The following CTNNAL1 variants were observed in gnomAD, a reference collection of about 807,000 sequenced individuals.
The protein encoded by CTNNAL1 is alpha-catulin.
In CTNNAL1, 69 loss-of-function variants were observed where a neutral mutation model predicts 93.6. The ratio of observed to expected loss-of-function variants is 0.74; its 90% confidence interval spans 0.61 to 0.90. The LOEUF (loss-of-function observed/expected upper bound fraction) is 0.90, where lower values mean the gene tolerates loss of function less well. CTNNAL1 is among the 40% of genes least tolerant of loss of function. CTNNAL1 has a pLI of 0.00. For synonymous variants in CTNNAL1, 286 were observed against 305.4 expected (o/e 0.94, Z 0.66); for missense variants, 836 against 862.0 (o/e 0.97, Z 0.38).
chr9:108,952,529 A>G (rs750804937), intron 12 of CTNNAL1, 35 bp from the exon 13 acceptor site: 4 of 1,611,666 alleles, frequency 2.5e-6, no homozygotes, highest in Admixed American at 3.3e-5. Context: ...TATCTTAAAA[A>G]GCAGTACATT....
chr9:108,979,811 T>C (rs1414737697), intron 6 of CTNNAL1, among the ~76,000 whole-genome samples: 1 of 152,210 alleles, frequency 6.6e-6, no homozygotes, highest in Non-Finnish European at 1.5e-5. Context: ...AAGATTTGCA[T>C]CTGAGAAAAT....
chr9:108,962,658 A>C (rs1041605629), intron 11 of CTNNAL1, among the ~76,000 whole-genome samples: 3 of 152,190 alleles, frequency 2.0e-5, no homozygotes, highest in African/African-American at 7.2e-5. Context: ...GGATGCCAGA[A>C]AGTAGGAGAG....
At chr9:108,971,995 T>A (rs889181343) in intron 9 of CTNNAL1, among the ~76,000 whole-genome samples, 1 of 152,208 alleles carries the variant, frequency 6.6e-6, no homozygotes, top group Non-Finnish European at 1.5e-5. Flanking sequence ...TCTACACCTA[T>A]GTTTGGATTA....
chr9:108,965,702 A>G (rs1830934559), intron 10 of CTNNAL1, among the ~76,000 whole-genome samples, 174 bp from the exon 11 acceptor site: 1 of 152,222 alleles, frequency 6.6e-6, no homozygotes, highest in Non-Finnish European at 1.5e-5. Context: ...GTAGGACAAA[A>G]TTTGCTGTTT....
Position 109,003,856 on chromosome 9 carries a change from T to C in CTNNAL1, c.142-4600A>G, listed in dbSNP as rs767090959. Among the ~76,000 whole-genome samples, 52 of 152,280 alleles carry C rather than the reference T, an allele frequency of 3.4e-4. 1 individual carries two copies. Among genetic ancestry groups the C allele is most frequent in the Middle Eastern group, 3.4e-3 (1 of 294 alleles). On this transcript the variant is annotated intron_variant, in intron 1 of 18. Coordinates refer to ENST00000325551, the MANE Select transcript of CTNNAL1 (RefSeq NM_003798.4). ...GGAAGAGGTTACTTGCAGGTGAGAATAAGGTAAACAATTTGTGTGCAGAGG... is the reference window on the plus strand; with the variant it reads ...GGAAGAGGTTACTTGCAGGTGAGAACAAGGTAAACAATTTGTGTGCAGAGG...
chr9:108,950,506 G>C (rs1388955340), intron 14 of CTNNAL1: 2 of 1,547,942 alleles, frequency 1.3e-6, no homozygotes, highest in Admixed American at 4.0e-5. Flanking sequence ...TCTTTTTCCA[G>C]AGAATTATCT....
intron 8 of CTNNAL1, among the ~76,000 whole-genome samples, chr9:108,975,794 A>G (rs1831250901): frequency 6.6e-6 from 1 of 152,210 alleles, no homozygotes; most frequent in South Asian, 2.1e-4. Flanking sequence ...AGAAAACAGT[A>G]GACAGTAGGT....
At chr9:108,947,325 A>C in intron 15 of CTNNAL1, among the ~76,000 whole-genome samples, 1 of 152,116 alleles carries the variant, frequency 6.6e-6, no homozygotes, top group African/African-American at 2.4e-5. Context: ...GTGTTAGCCA[A>C]GATGGTCTCG....
intron 6 of CTNNAL1, among the ~76,000 whole-genome samples, 185 bp from the exon 7 acceptor site, chr9:108,979,666 C>T (rs986591836): frequency 6.6e-6 from 1 of 152,198 alleles, no homozygotes; most frequent in Non-Finnish European, 1.5e-5. Context: ...TGCTCAAAAG[C>T]CTTCAATATC....
chr9:108,991,859 G>T, intron 3 of CTNNAL1: 1 of 540,652 alleles, frequency 1.8e-6, no homozygotes, highest in Non-Finnish European at 3.3e-6. Flanking sequence ...AGCAAGAAGT[G>T]ATCGTACATA....
At chr9:109,009,251 C>T (rs1030272711) in intron 1 of CTNNAL1, among the ~76,000 whole-genome samples, 1 of 151,892 alleles carries the variant, frequency 6.6e-6, no homozygotes, top group Non-Finnish European at 1.5e-5. Flanking sequence ...AAGGTTTATA[C>T]TTGTGGTATA....
Position 108,993,136 on chromosome 9 carries a change from A to C in CTNNAL1, c.332-317T>G, listed in dbSNP as rs115993327. The stretch of plus-strand genomic sequence containing the variant: ...CCTGCCCTACAAGACAGTAAGAGAA[A>C]TCCCATGAGTCAAAAACCAAAGAAT... On this transcript the variant is annotated intron_variant, in intron 2 of 18. Coordinates refer to ENST00000325551, the MANE Select transcript of CTNNAL1 (RefSeq NM_003798.4). Among the ~76,000 whole-genome samples the C allele has an allele frequency of 2.2e-3, 340 of 152,302 alleles. 3 individuals are homozygous for C. The highest frequency in any genetic ancestry group is 7.9e-3 in the African/African-American group (329 of 41,554).
In CTNNAL1 at chr9:108,979,339, T is replaced by G. The variant is rs1438212856; in HGVS notation, c.1043A>C (p.Glu348Ala). 3 of 1,614,030 alleles carry G rather than the reference T, an allele frequency of 1.9e-6. No homozygotes were observed. Among genetic ancestry groups the G allele is most frequent in the Non-Finnish European group, 2.5e-6 (3 of 1,180,010 alleles). Residue 348 changes from glutamate to alanine, a missense_variant, in exon 7 of 19, where the codon GAA becomes GCA. Transcript: ENST00000325551. ...TSHEHRERIL[E>A]LSTQARMELQ... ...TTCCATTCTCGCCTGAGTTGACAGT[T>G]CCAAGATGCGTTCTCTGTGCTCATG...
intron 2 of CTNNAL1, among the ~76,000 whole-genome samples, chr9:108,994,122 C>T (rs1183602114): frequency 6.6e-6 from 1 of 152,110 alleles, no homozygotes; most frequent in East Asian, 1.9e-4. Flanking sequence ...ATCCCAGCTA[C>T]TCAGGAGGCT....
intron 4 of CTNNAL1, among the ~76,000 whole-genome samples, chr9:108,989,385 A>G (rs1167639614): frequency 2.0e-5 from 3 of 152,218 alleles, no homozygotes; most frequent in Non-Finnish European, 2.9e-5. Context: ...GAAGGAAAAG[A>G]AAGAAAATTT....
At chr9:108,994,330 AG>A (rs1197073201) in intron 2 of CTNNAL1, among the ~76,000 whole-genome samples, 3 of 152,236 alleles carry the variant, frequency 2.0e-5, no homozygotes, top group African/African-American at 7.2e-5. Context: ...GGTGTGAAAT[AG>A]TAGGGACCTT....
chr9:109,006,629 A>G (rs934165815), intron 1 of CTNNAL1, among the ~76,000 whole-genome samples: 12 of 152,250 alleles, frequency 7.9e-5, no homozygotes, highest in African/African-American at 2.9e-4. Context: ...ACCAGAGTCT[A>G]GAGAACACCT....
chr9:108,953,168 T>C (rs1830608203), intron 12 of CTNNAL1, among the ~76,000 whole-genome samples: 2 of 152,236 alleles, frequency 1.3e-5, no homozygotes, highest in African/African-American at 4.8e-5. Flanking sequence ...AGAGTGTATT[T>C]TCCCTAGAAG....
chr9:108,979,321 C>G lies in CTNNAL1; in HGVS notation c.1061G>C (p.Arg354Thr), dbSNP rs757998175. The change falls in exon 7 of 19, where the codon AGA becomes ACA. Residue 354 changes from arginine (R) to threonine (T), a missense_variant. By Grantham distance (71) the Arg-to-Thr change is moderately conservative. Coordinates refer to ENST00000325551, the MANE Select transcript of CTNNAL1 (RefSeq NM_003798.4). ...ERILELSTQA[R>T]MELQQLISVW... is the part of the protein sequence containing the mutation. Reference sequence around the variant, plus strand: ...AGAAATTAACTGCTGCAGTTCCATTCTCGCCTGAGTTGACAGTTCCAAGAT... The same window carrying G: ...AGAAATTAACTGCTGCAGTTCCATTGTCGCCTGAGTTGACAGTTCCAAGAT... The G allele has an allele frequency of 1.9e-6, 3 of 1,614,172 alleles. No homozygotes were observed. Among genetic ancestry groups the G allele is most frequent in the South Asian group, 2.2e-5 (2 of 91,088 alleles).
Sources: allele counts gnomAD v4.1 joint callset (sites outside exome capture counted in the v4.1 genomes callset), GRCh38; gene constraint gnomAD v4.1.1; transcripts MANE v1.5; gene names NCBI Gene and HGNC (gene_info 2026-07-23, HGNC 2026-07-21).